The following STRN3 variants were observed in gnomAD, a reference collection of about 807,000 sequenced individuals.
STRN3 encodes the protein striatin 3, also known as striatin-3.
STRN3 carries 29 observed loss-of-function variants against 95.6 expected under a neutral mutation model. The ratio of observed to expected loss-of-function variants is 0.30; its 90% CI spans 0.23 to 0.41. The LOEUF is 0.41. Among genes scored for constraint, STRN3 ranks in the 10% least tolerant of loss-of-function variants. The pLI, the probability that STRN3 is intolerant of heterozygous loss-of-function variation, is 1.00. For synonymous variants in STRN3, 331 were observed against 357.6 expected, an observed-to-expected ratio of 0.93 and a Z score of 0.84; for missense variants, 890 against 972.1, an observed-to-expected ratio of 0.92 and a Z score of 1.12.
intron 1 of STRN3, among the ~76,000 whole-genome samples, chr14:30,983,049 T>C (rs925886132): frequency 2.6e-5 from 4 of 152,368 alleles, no homozygotes; most frequent in Admixed American, 1.3e-4. Context: ...TTCACTGATA[T>C]ATTCTTACTA....
At chr14:30,955,433 T>C (rs1469246955) in intron 3 of STRN3, among the ~76,000 whole-genome samples, 187 bp downstream of exon 3, 1 of 152,174 alleles carries the variant, frequency 6.6e-6, no homozygotes, top group Non-Finnish European at 1.5e-5. Flanking sequence ...ATAAGACAAG[T>C]TGCCTCAGGA....
At chr14:30,984,997 C>T (rs1007118420) in intron 1 of STRN3, among the ~76,000 whole-genome samples, 1 of 151,888 alleles carries the variant, frequency 6.6e-6, no homozygotes, top group African/African-American at 2.4e-5. Flanking sequence ...GATGTAATTG[C>T]GGAATACTTT....
intron 7 of STRN3, among the ~76,000 whole-genome samples, chr14:30,930,513 A>G (rs989536392): frequency 2.0e-5 from 3 of 152,120 alleles, no homozygotes; most frequent in Non-Finnish European, 2.9e-5. Flanking sequence ...TACAATTGTC[A>G]TAACTTTTTC....
intron 5 of STRN3, among the ~76,000 whole-genome samples, chr14:30,944,193 G>A (rs148096239): frequency 2.4e-4 from 36 of 152,196 alleles, no homozygotes; most frequent in African/African-American, 8.2e-4. Context: ...AGAGTCAGAC[G>A]TGGTATGGCA....
Position 30,907,245 on chromosome 14 carries a change from C to G in STRN3, c.1721-201G>C, listed in dbSNP as rs1418316531. On this transcript the variant is annotated intron_variant, in intron 13 of 17. Coordinates refer to ENST00000357479, the MANE Select transcript of STRN3 (RefSeq NM_001083893.2). ...ATACCCTCCTCCCATCAACATTTTT[C>G]TGTATTTTCACAATTTTCTATAAAG... Among the ~76,000 whole-genome samples, 3 of 150,304 alleles carry G rather than the reference C, an allele frequency of 2.0e-5. No homozygotes were observed. The East Asian group carries it at 5.8e-4, about 29-fold the overall frequency.
chr14:30,994,860 A>C (rs1882127081), intron 1 of STRN3, among the ~76,000 whole-genome samples: 1 of 152,342 alleles, frequency 6.6e-6, no homozygotes, highest in East Asian at 1.9e-4. Flanking sequence ...CATTTAACTC[A>C]AAACCATCTT....
intron 1 of STRN3, among the ~76,000 whole-genome samples, chr14:31,004,489 A>G (rs973363385): frequency 6.6e-6 from 1 of 152,086 alleles, no homozygotes; most frequent in African/African-American, 2.4e-5. Context: ...ATTTAAAAAA[A>G]GAGGCTGGGC....
Position 30,893,846 on chromosome 14 carries a change from T to C in STRN3, c.*1565A>G, listed in dbSNP as rs1329329130. On this transcript the variant is annotated 3_prime_UTR_variant, in exon 18 of 18. Coordinates refer to ENST00000357479, the MANE Select transcript of STRN3 (RefSeq NM_001083893.2). ...TTATGGAGAATAAAGTATTGCACTT[T>C]ATTATTCAACACAAAATGATGTAGC... The C allele has an allele frequency of 1.3e-5, 2 of 152,616 alleles. No individual in the cohort carries two copies. Among genetic ancestry groups the C allele is most frequent in the African/African-American group, 4.8e-5 (2 of 41,438 alleles). The allele number at this position is 152,616 out of a possible 1,614,324, so 9.5% of individuals were successfully genotyped here.
chr14:30,956,253 A>G lies in STRN3; in HGVS notation c.283-11T>C. 1 of 1,609,706 alleles carries G rather than the reference A, an allele frequency of 6.2e-7. No individual in the cohort carries two copies. Among genetic ancestry groups the G allele is most frequent in the Non-Finnish European group, 8.5e-7 (1 of 1,176,694 alleles). ...AAATGCAATCCGGGCCTAAAAATAT[A>G]AAAGATGCATTTATTTACATTTTCC... On this transcript the variant is annotated splice_polypyrimidine_tract_variant and intron_variant, in intron 1 of 17. Coordinates refer to ENST00000357479, the MANE Select transcript of STRN3 (RefSeq NM_001083893.2).
At chr14:30,938,528 C>G (rs977318480) in intron 5 of STRN3, among the ~76,000 whole-genome samples, 2 of 152,090 alleles carry the variant, frequency 1.3e-5, no homozygotes, top group African/African-American at 4.8e-5. Context: ...AGAGTACCTC[C>G]TGTTTCCAGG....
intron 16 of STRN3, among the ~76,000 whole-genome samples, chr14:30,897,713 CATT>C (rs1485649702): frequency 3.9e-5 from 6 of 152,214 alleles, no homozygotes; most frequent in Non-Finnish European, 8.8e-5. Context: ...CCACAACTCT[CATT>C]AATACTAAGA....
At chr14:30,987,789 G>A (rs1190343760) in intron 1 of STRN3, among the ~76,000 whole-genome samples, 1 of 151,208 alleles carries the variant, frequency 6.6e-6, no homozygotes, top group African/African-American at 2.4e-5. Context: ...CCAGGCTGGA[G>A]TGCAGTGGCG....
In STRN3 at chr14:30,931,190, T is replaced by G. The variant is rs541920170; in HGVS notation, c.989-1879A>C. ...AAATTTAGGCAGTGCAAAGAACAGG[T>G]TGGTGAATGCATATGTGCACAAACA... is the stretch of plus-strand genomic sequence containing the variant. On this transcript the variant is annotated intron_variant, in intron 7 of 17. Transcript: ENST00000357479. 2.6e-4 allele frequency among the ~76,000 whole-genome samples: 39 copies of G among 152,104 alleles called. No homozygotes were observed. The East Asian group carries it at 6.7e-3, about 26-fold the overall frequency.
Position 31,026,039 on chromosome 14 carries a change from C to T in STRN3, c.147G>A (p.Ala49=). 6.5e-7 allele frequency: 1 copy of T among 1,536,800 alleles called. No homozygotes were observed. The highest frequency in any genetic ancestry group is 8.8e-7 in the Non-Finnish European group (1 of 1,141,224). Reference sequence around the variant, plus strand: ...ACAGCTCGGGGCCTGCCGCGGGACCCGCTCCCTCGGAGGCCGGAGGACCCC... The same window carrying T: ...ACAGCTCGGGGCCTGCCGCGGGACCTGCTCCCTCGGAGGCCGGAGGACCCC... The part of the protein sequence containing the change: ...GGGGPPASEG[A]GPAAGPELSR... Residue 49 remains alanine (A), a synonymous_variant, in exon 1 of 18, where the codon GCG becomes GCA. Coordinates refer to ENST00000357479, the MANE Select transcript of STRN3 (RefSeq NM_001083893.2).
At chr14:30,901,253 C>A (rs1157651675) in intron 16 of STRN3, among the ~76,000 whole-genome samples, 3 of 148,584 alleles carry the variant, frequency 2.0e-5, no homozygotes, top group Admixed American at 1.3e-4. Flanking sequence ...CCAGCCTGGG[C>A]AACACAGTGA....
At chr14:30,929,954 C>CAAAAAAAACAAAAAAAAA (rs1878402567) in intron 7 of STRN3, among the ~76,000 whole-genome samples, 1 of 39,996 alleles carries the variant, frequency 2.5e-5, no homozygotes, top group Non-Finnish European at 4.5e-5. Context: ...CTAAGATTAG[C>CAAAAAAAACAAAAAAAAA]AAAAAAAAAA....
chr14:30,990,377 C>T (rs1224584971), intron 1 of STRN3, among the ~76,000 whole-genome samples: 1 of 151,840 alleles, frequency 6.6e-6, no homozygotes, highest in Non-Finnish European at 1.5e-5. Flanking sequence ...ACCGTATTAG[C>T]CAGGATGGTC....
At chr14:30,979,649 G>C (rs1413772845) in intron 1 of STRN3, among the ~76,000 whole-genome samples, 1 of 151,896 alleles carries the variant, frequency 6.6e-6, no homozygotes, top group African/African-American at 2.4e-5. Context: ...GCCCAGGCTG[G>C]AGTGCAGTGG....
At chr14:30,975,917 C>T (rs1466891961) in intron 1 of STRN3, among the ~76,000 whole-genome samples, 1 of 139,346 alleles carries the variant, frequency 7.2e-6, no homozygotes, top group African/African-American at 2.7e-5. Context: ...CTAAAAGAAA[C>T]ATTTTTAAAC....
Sources: allele counts gnomAD v4.1 joint callset (sites outside exome capture counted in the v4.1 genomes callset), GRCh38; gene constraint gnomAD v4.1.1; transcripts MANE v1.5; gene names NCBI Gene and HGNC (gene_info 2026-07-23, HGNC 2026-07-21).